NRG3: variants seen among roughly 807,000 people sequenced by gnomAD.
The protein encoded by NRG3 is neuregulin 3.
Under a neutral mutation model 66.9 loss-of-function variants are expected in NRG3, and 31 were observed. The observed-to-expected ratio is 0.46, with a 90% confidence interval of 0.35 to 0.63. NRG3 has a LOEUF of 0.63. NRG3 is among the 20% of genes least tolerant of loss of function. The pLI, the probability that NRG3 is intolerant of heterozygous loss-of-function variation, is 0.00. For missense variants in NRG3, 910 were observed against 878.9 expected (o/e 1.04, Z -0.45); for synonymous variants, 393 against 359.4 (o/e 1.09, Z -1.06).
intron 2 of NRG3, among the ~76,000 whole-genome samples, chr10:82,359,270 T>C (rs1487912141): frequency 6.6e-6 from 1 of 152,228 alleles, no homozygotes; most frequent in African/African-American, 2.4e-5. Flanking sequence ...ATCTAAGATC[T>C]AGAATCTCAG....
intron 2 of NRG3, among the ~76,000 whole-genome samples, chr10:82,505,119 A>G (rs1844551297): frequency 6.6e-6 from 1 of 152,200 alleles, no homozygotes; most frequent in Non-Finnish European, 1.5e-5. Flanking sequence ...AGTGGAACCA[A>G]TTATTTAAAG....
intron 3 of NRG3, among the ~76,000 whole-genome samples, chr10:82,858,642 A>T (rs2135899513): frequency 6.6e-6 from 1 of 152,284 alleles, no homozygotes; most frequent in East Asian, 1.9e-4. Flanking sequence ...CTTGACAGGG[A>T]TCTGTGGGTG....
At chr10:81,991,016 C>G (rs182391802) in intron 1 of NRG3, among the ~76,000 whole-genome samples, 2 of 152,094 alleles carry the variant, frequency 1.3e-5, no homozygotes, top group African/African-American at 4.8e-5. Flanking sequence ...TTTGAGAAGC[C>G]TCCATTGCCC....
intron 1 of NRG3, among the ~76,000 whole-genome samples, chr10:81,892,563 T>C (rs1843121805): frequency 6.6e-6 from 1 of 152,008 alleles, no homozygotes; most frequent in Admixed American, 6.6e-5. Context: ...TCCTGTTACG[T>C]TGGTTGGCAA....
At chr10:82,572,460 G>T (rs1443469430) in intron 2 of NRG3, among the ~76,000 whole-genome samples, 1 of 151,610 alleles carries the variant, frequency 6.6e-6, no homozygotes, top group Non-Finnish European at 1.5e-5. Context: ...GCATTTCATT[G>T]TGATTTTTGC....
intron 3 of NRG3, among the ~76,000 whole-genome samples, chr10:82,838,354 G>A (rs574858285): frequency 7.4e-4 from 113 of 152,166 alleles, no homozygotes; most frequent in African/African-American, 2.4e-3. Context: ...CTGCAGAGAC[G>A]AAAAGAAGAG....
intron 2 of NRG3, among the ~76,000 whole-genome samples, chr10:82,442,537 G>A (rs1357668967): frequency 6.6e-6 from 1 of 152,110 alleles, no homozygotes; most frequent in Non-Finnish European, 1.5e-5. Flanking sequence ...AAGGCTTATG[G>A]AACATTTGAG....
intron 1 of NRG3, among the ~76,000 whole-genome samples, chr10:81,913,141 A>G (rs771977499): frequency 7.3e-5 from 11 of 150,832 alleles, no homozygotes; most frequent in Non-Finnish European, 1.3e-4. Flanking sequence ...ACTTTTAATC[A>G]GTTTTATGGT....
intron 1 of NRG3, among the ~76,000 whole-genome samples, chr10:82,265,769 G>A (rs559947506): frequency 7.2e-5 from 11 of 152,204 alleles, no homozygotes; most frequent in African/African-American, 2.6e-4. Flanking sequence ...GTGGTGGGGA[G>A]GCTATCAGAA....
At chr10:82,952,864 A>G (rs890957374) in intron 5 of NRG3, among the ~76,000 whole-genome samples, 3 of 151,886 alleles carry the variant, frequency 2.0e-5, no homozygotes, top group African/African-American at 7.3e-5. Context: ...AGTAACTATT[A>G]TCTTCCTAAT....
intron 2 of NRG3, among the ~76,000 whole-genome samples, chr10:82,403,801 G>A (rs1342042856): frequency 6.6e-6 from 1 of 152,000 alleles, no homozygotes; most frequent in Non-Finnish European, 1.5e-5. Flanking sequence ...TGCCTTCTGG[G>A]CTCATTTCTA....
intron 1 of NRG3, among the ~76,000 whole-genome samples, chr10:82,247,900 C>T (rs1156788275): frequency 6.6e-6 from 1 of 152,120 alleles, no homozygotes. Context: ...AACTTCTCTG[C>T]AAAGATGGTT....
intron 2 of NRG3, among the ~76,000 whole-genome samples, chr10:82,582,475 C>G (rs2046413207): frequency 6.6e-6 from 1 of 152,078 alleles, no homozygotes; most frequent in Non-Finnish European, 1.5e-5. Flanking sequence ...TTCTTTAAGT[C>G]TTCTCAGTTA....
intron 2 of NRG3, among the ~76,000 whole-genome samples, chr10:82,558,822 C>G (rs1034047338): frequency 1.3e-5 from 2 of 152,052 alleles, no homozygotes; most frequent in African/African-American, 4.8e-5. Flanking sequence ...CCGAGCTTAA[C>G]CTCATATTCT....
At chr10:82,876,254 T>C (rs912000110) in intron 4 of NRG3, among the ~76,000 whole-genome samples, 1 of 151,764 alleles carries the variant, frequency 6.6e-6, no homozygotes, top group Non-Finnish European at 1.5e-5. Flanking sequence ...AGTTTCTACG[T>C]AGGTGTGAAT....
intron 3 of NRG3, among the ~76,000 whole-genome samples, chr10:82,808,596 T>C (rs1389564187): frequency 6.6e-6 from 1 of 152,040 alleles, no homozygotes; most frequent in African/African-American, 2.4e-5. Flanking sequence ...ATCTCTCCAA[T>C]TAAACTGTTA....
At chr10:82,111,122 GAC>G (rs1250821160) in intron 1 of NRG3, among the ~76,000 whole-genome samples, 1 of 152,104 alleles carries the variant, frequency 6.6e-6, no homozygotes, top group Non-Finnish European at 1.5e-5. Context: ...CCCACATGTG[GAC>G]ATACTCCCTT....
At position 81,875,261 on chromosome 10, in the gene NRG3, C is replaced by T; in HGVS notation, c.-80C>T. On this transcript the variant is annotated 5_prime_UTR_variant, in exon 1 of 9. Transcript: ENST00000372141. The surrounding 1 kb of genome is among the most constrained non-coding windows in gnomAD (Gnocchi z 5.3). ...CCGCCGCCGCCGCCGGAGCCCGCGC[C>T]CGCGCCCGCGCCCGGCCCGCGCGGC... The T allele has an allele frequency of 2.1e-6, 2 of 938,120 alleles. No homozygotes were observed. The highest frequency in any genetic ancestry group is 2.5e-6 in the Non-Finnish European group (2 of 789,662). The allele number at this position is 938,120 out of a possible 1,614,324, so 58.1% of individuals were successfully genotyped here.
chr10:82,869,212 C>G (rs1335680907), intron 4 of NRG3, among the ~76,000 whole-genome samples: 1 of 152,134 alleles, frequency 6.6e-6, no homozygotes, highest in East Asian at 1.9e-4. Context: ...CTTTAATAGA[C>G]TTGATTTTCA....
Sources: gnomAD v4.1 joint callset for allele counts (sites outside exome capture counted in the v4.1 genomes callset) on GRCh38, gnomAD v4.1.1 for gene constraint, Gnocchi (gnomAD v3.1) non-coding constraint, MANE v1.5 for transcripts, NCBI Gene and HGNC (gene_info 2026-07-23, HGNC 2026-07-21) for gene names.